Variants in GLE1 observed in about 807,000 individuals in gnomAD.
GLE1 encodes the protein GLE1 RNA export mediator.
A neutral mutation model predicts 97.3 loss-of-function variants in GLE1; 78 were observed. The observed-to-expected ratio is 0.80, with a 90% CI of 0.67 to 0.97. The LOEUF is 0.97. GLE1 is among the 50% of genes least tolerant of loss of function. The pLI is 0.00. For missense variants in GLE1, 753 were observed against 857.5 expected (o/e 0.88, Z 1.52); for synonymous variants, 302 against 313.4 (o/e 0.96, Z 0.39).
rs770828890 is a variant in GLE1, at chr9:128,523,285, G to T, written c.587G>T (p.Arg196Ile). Residue 196 changes from arginine to isoleucine, a missense_variant, in exon 5 of 16, where the codon AGA becomes ATA. Transcript: ENST00000309971. Reference sequence around the variant, plus strand: ...CCCTGCCATTTTTCATGCAGCTCCAGAGAAGCCTTGGGACACCAAGAGAAG... The same window carrying T: ...CCCTGCCATTTTTCATGCAGCTCCATAGAAGCCTTGGGACACCAAGAGAAG... ...DLREVMEKSS[R>I]EALGHQEKLK... The T allele has an allele frequency of 8.1e-6, 13 of 1,611,148 alleles. No individual in the cohort carries two copies. The African/African-American group carries it at 1.6e-4, about 20-fold the overall frequency.
chr9:128,519,204 T>C (rs1847069387), intron 3 of GLE1, among the ~76,000 whole-genome samples: 1 of 152,146 alleles, frequency 6.6e-6, no homozygotes, highest in Non-Finnish European at 1.5e-5. Flanking sequence ...GTAGAGCATG[T>C]GTGTTTGAAC....
rs369524210 is a variant in GLE1 at position 128,515,587 on chromosome 9, A to G, written c.380A>G (p.Lys127Arg). The G allele has an allele frequency of 2.9e-5, 46 of 1,610,234 alleles. No individual in the cohort carries two copies. Among genetic ancestry groups the G allele is most frequent in the Non-Finnish European group, 3.8e-5 (45 of 1,176,516 alleles). The change falls in exon 3 of 16, where the codon AAA becomes AGA. Residue 127 changes from lysine (K) to arginine (R), a missense_variant. Transcript: ENST00000309971. ...SMVLQSSRGI[K>R]VEGCVRMYEL... is the part of the protein sequence containing the mutation. Reference sequence around the variant, plus strand: ...GTACTTCAGTCCTCACGGGGGATCAAAGTGGAAGGCTGCGTCCGAATGTAC... The same window carrying G: ...GTACTTCAGTCCTCACGGGGGATCAGAGTGGAAGGCTGCGTCCGAATGTAC...
At chr9:128,533,116 T>C (rs1045017847) in intron 9 of GLE1, among the ~76,000 whole-genome samples, 3 of 152,152 alleles carry the variant, frequency 2.0e-5, no homozygotes, top group Non-Finnish European at 4.4e-5. Flanking sequence ...TTTTTGTAGA[T>C]GCTTTGTAAT....
chr9:128,523,391 T>C (rs2132457454), intron 5 of GLE1, 51 bp downstream of exon 5: 2 of 1,523,514 alleles, frequency 1.3e-6, no homozygotes, highest in African/African-American at 2.7e-5. Context: ...GTCTGTAACC[T>C]GCCTGGAGAG....
intron 12 of GLE1, among the ~76,000 whole-genome samples, chr9:128,537,347 G>T (rs1847743056): frequency 6.6e-6 from 1 of 151,352 alleles, no homozygotes; most frequent in African/African-American, 2.4e-5. Context: ...CAGCTACTTG[G>T]GAGGCTGAGG....
intron 9 of GLE1, chr9:128,528,868 A>T (rs1847391457): frequency 6.6e-6 from 1 of 152,224 alleles, no homozygotes; most frequent in Non-Finnish European, 1.5e-5. Flanking sequence ...CCAGAGGTTC[A>T]TTTGTATGGA....
chr9:128,534,209 A>G (rs1349610857), intron 11 of GLE1, among the ~76,000 whole-genome samples: 1 of 152,066 alleles, frequency 6.6e-6, no homozygotes, highest in African/African-American at 2.4e-5. Flanking sequence ...CTCTACTAAA[A>G]ATACCAAAAA....
rs1040123787 is a variant in GLE1, at chr9:128,517,720, C to T, written c.432+2081C>T. Among the ~76,000 whole-genome samples the T allele has an allele frequency of 5.3e-5, 8 of 151,936 alleles. No homozygotes were observed. In the South Asian group the frequency reaches 6.2e-4, roughly 12 times the overall value. The stretch of plus-strand genomic sequence containing the variant: ...TCCTTTTGTCTTATTGTTTTGTTTT[C>T]TAGAAGATTTCTATATTTTATTCTC... On this transcript the variant is annotated intron_variant, in intron 3 of 15. Transcript: ENST00000309971.
chr9:128,523,536 A>G, intron 5 of GLE1, 56 bp from the exon 6 acceptor site: 1 of 1,605,448 alleles, frequency 6.2e-7, no homozygotes, highest in Non-Finnish European at 8.5e-7. Context: ...TGAGGACTGT[A>G]GAAAGAAGAA....
chr9:128,540,973 C>G, intron 15 of GLE1, 129 bp from the exon 16 acceptor site: 1 of 727,296 alleles, frequency 1.4e-6, no homozygotes, highest in Non-Finnish European at 2.5e-6. Flanking sequence ...GTCTTACTGG[C>G]TTTTTCCTTT....
At chr9:128,514,588 GCCCGCCACCATGCCTAGGCA>G (rs1236488294) in intron 2 of GLE1, among the ~76,000 whole-genome samples, 1 of 151,706 alleles carries the variant, frequency 6.6e-6, no homozygotes, top group East Asian at 1.9e-4. Context: ...GACTACAGGC[GCCCGCCACCATGCCTAGGCA>G]CGTGCCACCA....
At position 128,536,491 on chromosome 9, in the gene GLE1, A is replaced by G. The variant is rs1156378709; in HGVS notation, c.1776+7A>G. On this transcript the variant is annotated splice_region_variant and intron_variant, in intron 12 of 15. Coordinates refer to ENST00000309971, the MANE Select transcript of GLE1 (RefSeq NM_001003722.2). ...ATATGGAAACCGACAGGAGGTAGGTAAAAGAGGCTTACTGTCAATAATGAG... is the reference window on the plus strand; with the variant it reads ...ATATGGAAACCGACAGGAGGTAGGTGAAAGAGGCTTACTGTCAATAATGAG... 1 of 1,611,954 alleles carries G rather than the reference A, an allele frequency of 6.2e-7. No homozygotes were observed. The highest frequency in any genetic ancestry group is 1.7e-5 in the Admixed American group (1 of 60,008).
chr9:128,532,742 TCA>T, intron 9 of GLE1: 1 of 829,380 alleles, frequency 1.2e-6, no homozygotes, highest in Non-Finnish European at 1.5e-6. Flanking sequence ...GCCAGCTACC[TCA>T]AGGAAGTGAC....
intron 7 of GLE1, 122 bp from the exon 8 acceptor site, chr9:128,527,057 T>G: frequency 1.4e-6 from 1 of 704,804 alleles, no homozygotes; most frequent in Non-Finnish European, 2.6e-6. Flanking sequence ...AGTATCTATT[T>G]CATAGTTATG....
intron 1 of GLE1, among the ~76,000 whole-genome samples, chr9:128,507,625 C>T (rs1240322317): frequency 3.3e-5 from 5 of 150,406 alleles, no homozygotes; most frequent in African/African-American, 9.8e-5. Flanking sequence ...TGGTGGCTCA[C>T]GCCTGTAATC....
intron 12 of GLE1, 30 bp from the exon 13 acceptor site, chr9:128,537,956 T>C: frequency 7.9e-7 from 1 of 1,261,070 alleles, no homozygotes; most frequent in Non-Finnish European, 1.2e-6. Context: ...CAAAATGAGA[T>C]CAATGATAAC....
At chr9:128,517,826 T>C (rs1446521255) in intron 3 of GLE1, among the ~76,000 whole-genome samples, 1 of 152,182 alleles carries the variant, frequency 6.6e-6, no homozygotes, top group Non-Finnish European at 1.5e-5. Context: ...CTTCTTCCTT[T>C]TTCAGAGCAT....
intron 9 of GLE1, among the ~76,000 whole-genome samples, chr9:128,529,632 C>G (rs550975587): frequency 6.6e-6 from 1 of 152,194 alleles, no homozygotes; most frequent in East Asian, 1.9e-4. Flanking sequence ...ACTCCTTTGG[C>G]CTCCATGGTG....
In GLE1 at chr9:128,541,300, C is replaced by T; in HGVS notation, c.*130C>T. 1.4e-6 allele frequency: 1 copy of T among 715,598 alleles called. No individual in the cohort carries two copies. The highest frequency in any genetic ancestry group is 1.5e-5 in the South Asian group (1 of 67,240). The allele number at this position is 715,598 out of a possible 1,614,324, so 44.3% of individuals were successfully genotyped here. A position where few individuals can be genotyped will look rare whatever the true frequency, so the allele number is the denominator to read the frequency against. On this transcript the variant is annotated 3_prime_UTR_variant, in exon 16 of 16. Transcript: ENST00000309971. ...ATTATGTATTTTTATGTATTTATGCCTTGTGACTAGGAGAGGAGATTTTCA... is the reference window on the plus strand; with the variant it reads ...ATTATGTATTTTTATGTATTTATGCTTTGTGACTAGGAGAGGAGATTTTCA...
Sources: gnomAD v4.1 joint callset for allele counts (sites outside exome capture counted in the v4.1 genomes callset) on GRCh38, gnomAD v4.1.1 for gene constraint, MANE v1.5 for transcripts, NCBI Gene and HGNC (gene_info 2026-07-23, HGNC 2026-07-21) for gene names.